Variants in CAPZA1 observed in about 807,000 individuals in gnomAD.
CAPZA1 encodes capping actin protein of muscle Z-line subunit alpha 1.
Under a neutral mutation model 40.8 loss-of-function variants are expected in CAPZA1, and 10 were observed. That is an observed-to-expected ratio of 0.25 (90% confidence interval 0.15 to 0.42). CAPZA1 has a LOEUF of 0.42. Ranked by LOEUF, CAPZA1 falls within the 10% of genes least tolerant of loss-of-function variation. The pLI is 1.00. For missense variants in CAPZA1, 277 were observed against 353.8 expected, an observed-to-expected ratio of 0.78 and a Z score of 1.74; for synonymous variants, 98 against 115.0, an observed-to-expected ratio of 0.85 and a Z score of 0.95.
Position 112,669,612 on chromosome 1 carries a change from A to C in CAPZA1, c.720+7A>C. Reference sequence around the variant, plus strand: ...TGCAGAAAATGAGTATCAGGTAAGAAGATTTGGAGTTAATTTTCCTAGATC... The same window carrying C: ...TGCAGAAAATGAGTATCAGGTAAGACGATTTGGAGTTAATTTTCCTAGATC... On this transcript the variant is annotated splice_region_variant and intron_variant, in intron 9 of 9. Coordinates refer to ENST00000263168, the MANE Select transcript of CAPZA1 (RefSeq NM_006135.3). 1.3e-6 allele frequency: 2 copies of C among 1,581,570 alleles called. No homozygotes were observed. The highest frequency in any genetic ancestry group is 8.7e-7 in the Non-Finnish European group (1 of 1,152,026).
At chr1:112,650,290 C>T (rs2101167188) in intron 3 of CAPZA1, among the ~76,000 whole-genome samples, 1 of 152,280 alleles carries the variant, frequency 6.6e-6, no homozygotes, top group East Asian at 1.9e-4. Flanking sequence ...GTAAGAGCTG[C>T]TGCCTGGGAA....
intron 3 of CAPZA1, among the ~76,000 whole-genome samples, chr1:112,652,255 G>T (rs1671404068): frequency 6.6e-6 from 1 of 152,068 alleles, no homozygotes; most frequent in Non-Finnish European, 1.5e-5. Context: ...GCTGAGGTGG[G>T]CGGATCACCT....
chr1:112,635,310 A>G (rs1284290941), intron 1 of CAPZA1, among the ~76,000 whole-genome samples: 1 of 152,166 alleles, frequency 6.6e-6, no homozygotes, highest in Non-Finnish European at 1.5e-5. Context: ...TACATTCAGT[A>G]GACTAATGAA....
chr1:112,652,377 G>C (rs1294142641), intron 3 of CAPZA1, among the ~76,000 whole-genome samples: 2 of 151,016 alleles, frequency 1.3e-5, no homozygotes, highest in Admixed American at 1.3e-4. Flanking sequence ...TACTCTGGAG[G>C]CTGAGGCAGG....
chr1:112,627,608 G>GGCAACAAGAGTGAAA (rs1670837118), intron 1 of CAPZA1, among the ~76,000 whole-genome samples: 2 of 132,290 alleles, frequency 1.5e-5, no homozygotes, highest in Non-Finnish European at 1.5e-5. Flanking sequence ...CTCCAGCCTG[G>GGCAACAAGAGTGAAA]CCTGGCCGAC....
intron 3 of CAPZA1, among the ~76,000 whole-genome samples, chr1:112,651,588 T>C (rs1248695715): frequency 1.3e-5 from 2 of 152,124 alleles, no homozygotes; most frequent in African/African-American, 4.8e-5. Flanking sequence ...GCTGGTAAAA[T>C]GGAGATGCTG....
chr1:112,652,255 G>A (rs1671404068), intron 3 of CAPZA1, among the ~76,000 whole-genome samples: 2 of 152,068 alleles, frequency 1.3e-5, no homozygotes, highest in South Asian at 2.1e-4. Flanking sequence ...GCTGAGGTGG[G>A]CGGATCACCT....
chr1:112,627,280 A>G (rs183522025), intron 1 of CAPZA1, among the ~76,000 whole-genome samples: 25 of 152,306 alleles, frequency 1.6e-4, no homozygotes, highest in Admixed American at 6.5e-4. Flanking sequence ...AACCAAGTTA[A>G]TCATGTAGTA....
chr1:112,656,532 A>G (rs1671504123), intron 5 of CAPZA1, among the ~76,000 whole-genome samples: 1 of 141,466 alleles, frequency 7.1e-6, no homozygotes, highest in African/African-American at 2.7e-5. Flanking sequence ...CAGTATTGCA[A>G]AGGGGAGACA....
rs1671799754 is a variant in CAPZA1, at chr1:112,670,080, A to C, written c.809A>C (p.Asp270Ala). 4 of 1,613,856 alleles carry C rather than the reference A, an allele frequency of 2.5e-6. No homozygotes were observed. Among genetic ancestry groups the C allele is most frequent in the African/African-American group, 1.3e-5 (1 of 74,920 alleles). The change falls in exon 10 of 10, where the codon GAC (aspartate) becomes GCC (alanine). Residue 270 changes from aspartate (D) to alanine (A), a missense_variant. Around this residue, in one of 2 missense-constraint regions of CAPZA1, gnomAD observed 192 missense variants for 277.2 expected, o/e 0.69. Transcript: ENST00000263168. ...CTTCCAGTTACCCGCACCAAAATCG[A>C]CTGGAACAAGATACTCAGCTACAAG... The part of the protein sequence containing the change: ...RQLPVTRTKI[D>A]WNKILSYKIG...
chr1:112,662,544 G>A (rs899342118), intron 7 of CAPZA1, among the ~76,000 whole-genome samples: 4 of 151,302 alleles, frequency 2.6e-5, no homozygotes, highest in Admixed American at 1.3e-4. Context: ...TACCACAGGC[G>A]CCCGCCACCA....
chr1:112,659,539 C>T (rs1281218509), intron 6 of CAPZA1, 162 bp from the exon 7 acceptor site: 1 of 604,428 alleles, frequency 1.7e-6, no homozygotes, highest in African/African-American at 1.9e-5. Flanking sequence ...TTTGAGTAGA[C>T]AGAGCTTTGG....
In CAPZA1 at chr1:112,670,939, T is replaced by C. The variant is rs1671818859; in HGVS notation, c.*807T>C. On this transcript the variant is annotated 3_prime_UTR_variant, in exon 10 of 10. Coordinates refer to ENST00000263168, the MANE Select transcript of CAPZA1 (RefSeq NM_006135.3). ...TACTGTGGATGTAGAGTATAAAACTTGAAAAATGCAGATGTTGAAGGAATA... is the reference window on the plus strand; with the variant it reads ...TACTGTGGATGTAGAGTATAAAACTCGAAAAATGCAGATGTTGAAGGAATA... 6.6e-6 allele frequency: 1 copy of C among 152,624 alleles called. No homozygotes were observed. Among genetic ancestry groups the C allele is most frequent in the African/African-American group, 2.4e-5 (1 of 41,440 alleles). 9.5% of individuals were successfully genotyped at this position (152,624 alleles called of 1,614,324 possible).
intron 1 of CAPZA1, among the ~76,000 whole-genome samples, chr1:112,630,688 G>C (rs1670903911): frequency 6.6e-6 from 1 of 151,960 alleles, no homozygotes; most frequent in African/African-American, 2.4e-5. Context: ...TCCCATGCTG[G>C]TCTGAAACTC....
chr1:112,637,594 T>C (rs367667360), intron 1 of CAPZA1, among the ~76,000 whole-genome samples: 12 of 152,340 alleles, frequency 7.9e-5, no homozygotes, highest in African/African-American at 2.9e-4. Context: ...ACTACAGGCA[T>C]GTGCCACCAT....
At chr1:112,645,332 A>G (rs1194649705) in intron 1 of CAPZA1, among the ~76,000 whole-genome samples, 1 of 152,194 alleles carries the variant, frequency 6.6e-6, no homozygotes, top group Non-Finnish European at 1.5e-5. Context: ...AGACTTTAAA[A>G]TCGGTAGTTA....
chr1:112,627,050 G>C (rs770479662), intron 1 of CAPZA1, among the ~76,000 whole-genome samples: 21 of 152,186 alleles, frequency 1.4e-4, no homozygotes, highest in Non-Finnish European at 2.5e-4. Context: ...CATCCTTATA[G>C]GACAGATACT....
intron 7 of CAPZA1, among the ~76,000 whole-genome samples, chr1:112,666,521 CA>C (rs1482397216): frequency 2.6e-5 from 4 of 152,192 alleles, no homozygotes; most frequent in African/African-American, 9.7e-5. Context: ...CTTACATATT[CA>C]GAACTACTTT....
chr1:112,663,454 C>T (rs550412499), intron 7 of CAPZA1, among the ~76,000 whole-genome samples: 2 of 152,294 alleles, frequency 1.3e-5, no homozygotes, highest in African/African-American at 4.8e-5. Context: ...TCTGATTTTA[C>T]ATGTAAGTAT....
Sources: allele counts gnomAD v4.1 joint callset (sites outside exome capture counted in the v4.1 genomes callset), GRCh38; gene constraint gnomAD v4.1.1; regional missense constraint gnomAD v4.1.1; transcripts MANE v1.5; gene names NCBI Gene and HGNC (gene_info 2026-07-23, HGNC 2026-07-21).